The following TULP4 variants were observed in gnomAD, a reference collection of about 807,000 sequenced individuals.
The protein encoded by TULP4 is tubby-related protein 4.
TULP4 carries 16 observed loss-of-function variants against 129.0 expected under a neutral mutation model. That is an observed-to-expected ratio of 0.12 (90% CI 0.08 to 0.19). The LOEUF (loss-of-function observed/expected upper bound fraction) is 0.19, where lower values mean the gene tolerates loss of function less well. Ranked by LOEUF, TULP4 falls within the 10% of genes least tolerant of loss-of-function variation. The pLI is 1.00. For synonymous variants in TULP4, 998 were observed against 854.0 expected, an observed-to-expected ratio of 1.17 and a Z score of -2.94; for missense variants, 1,842 against 2,059.1, an observed-to-expected ratio of 0.89 and a Z score of 2.04.
At position 158,447,188 on chromosome 6, in the gene TULP4, C is replaced by G. The variant is rs542471266; in HGVS notation, c.544-1808C>G. Among the ~76,000 whole-genome samples the G allele has an allele frequency of 8.5e-5, 13 of 152,318 alleles. No homozygotes were observed. The South Asian group carries it at 2.5e-3, about 29-fold the overall frequency. On this transcript the variant is annotated intron_variant, in intron 3 of 13. Coordinates refer to ENST00000367097, the MANE Select transcript of TULP4 (RefSeq NM_020245.5). Reference sequence around the variant, plus strand: ...CTCACCAAGTACATTAAACATCTGCCTCTTCCAGGATTTCAGCAGGTCCGT... The same window carrying G: ...CTCACCAAGTACATTAAACATCTGCGTCTTCCAGGATTTCAGCAGGTCCGT...
chr6:158,370,457 CAAAAAAA>C (rs533005080), intron 1 of TULP4, among the ~76,000 whole-genome samples: 4 of 28,896 alleles, frequency 1.4e-4, no homozygotes, highest in African/African-American at 3.0e-4. Context: ...AACTCCATCT[CAAAAAAA>C]AAAAAAAAAA....
At chr6:158,315,867 G>A (rs1779480921) in intron 1 of TULP4, among the ~76,000 whole-genome samples, 1 of 152,228 alleles carries the variant, frequency 6.6e-6, no homozygotes, top group African/African-American at 2.4e-5. Flanking sequence ...CCATTTATGA[G>A]GGCAGAGCCC....
intron 3 of TULP4, among the ~76,000 whole-genome samples, chr6:158,444,234 A>T (rs1311098336): frequency 3.6e-5 from 5 of 140,280 alleles, no homozygotes; most frequent in African/African-American, 1.3e-4. Flanking sequence ...AAAAAAAAAA[A>T]AAAAAAAAAA....
At chr6:158,246,583 T>G (rs1000588744) in intron 1 of TULP4, among the ~76,000 whole-genome samples, 4 of 152,242 alleles carry the variant, frequency 2.6e-5, no homozygotes, top group African/African-American at 9.6e-5. Flanking sequence ...ATAAATGCTT[T>G]CTTTTCCTTT....
upstream of TULP4, among the ~76,000 whole-genome samples, chr6:158,281,358 C>T (rs992454539): frequency 2.4e-4 from 37 of 152,136 alleles, no homozygotes; most frequent in African/African-American, 7.0e-4. Flanking sequence ...GGATTACAGG[C>T]GCCTACCACC....
intron 1 of TULP4, among the ~76,000 whole-genome samples, chr6:158,240,362 C>T (rs1777857943): frequency 1.3e-5 from 1 of 79,996 alleles, no homozygotes; most frequent in African/African-American, 4.3e-5. Flanking sequence ...CCCCACCTCC[C>T]TCCCGGACCG....
At chr6:158,496,889 C>T (rs571619800) in intron 11 of TULP4, among the ~76,000 whole-genome samples, 4 of 152,218 alleles carry the variant, frequency 2.6e-5, no homozygotes, top group South Asian at 4.2e-4. Flanking sequence ...GCTCTGTCAC[C>T]CATGCTAGAG....
chr6:158,253,803 G>T lies in TULP4; in HGVS notation n.68+21500G>T, dbSNP rs202175669. ...TAATCCCAGCACTTTGGGAGGCCAA[G>T]GTGGGCGGATCACCTGAGATCAGGA... On this transcript the variant is annotated intron_variant and non_coding_transcript_variant, in intron 1 of 1. Coordinates refer to the TULP4 transcript ENST00000620026. Among the ~76,000 whole-genome samples, 29 of 152,314 alleles carry T rather than the reference G, an allele frequency of 1.9e-4. No individual in the cohort carries two copies. The East Asian group carries it at 5.6e-3, about 29-fold the overall frequency.
At chr6:158,319,980 C>A (rs1258518730) in intron 1 of TULP4, among the ~76,000 whole-genome samples, 2 of 152,138 alleles carry the variant, frequency 1.3e-5, no homozygotes, top group African/African-American at 2.4e-5. Context: ...TAAAAAAGAA[C>A]CACTACCACA....
intron 1 of TULP4, among the ~76,000 whole-genome samples, chr6:158,236,565 T>C (rs1263299161): frequency 6.6e-6 from 1 of 151,996 alleles, no homozygotes; most frequent in Non-Finnish European, 1.5e-5. Flanking sequence ...AAGCAGATAT[T>C]TTGGAATGCT....
intron 1 of TULP4, among the ~76,000 whole-genome samples, chr6:158,353,836 A>T (rs1780581416): frequency 6.6e-6 from 1 of 152,398 alleles, no homozygotes; most frequent in South Asian, 2.1e-4. Flanking sequence ...TCTAACAATA[A>T]AAATATTTTA....
Position 158,509,218 on chromosome 6 carries a change from T to C in TULP4, c.*2524T>C. 1 of 152,154 alleles carries C rather than the reference T, an allele frequency of 6.6e-6. No individual in the cohort carries two copies. The highest frequency in any genetic ancestry group is 1.9e-4 in the East Asian group (1 of 5,202). 9.4% of individuals were successfully genotyped at this position (152,154 alleles called of 1,614,324 possible). ...AGAAGGTTTTTTGCTGGATAATTTG[T>C]AACTTTTCTAATTGGGAAAAAATTC... On this transcript the variant is annotated 3_prime_UTR_variant, in exon 14 of 14. Coordinates refer to ENST00000367097, the MANE Select transcript of TULP4 (RefSeq NM_020245.5).
chr6:158,401,080 G>GTTT (rs1554287891), intron 1 of TULP4, among the ~76,000 whole-genome samples: 42 of 143,200 alleles, frequency 2.9e-4, no homozygotes, highest in Admixed American at 5.1e-4. Context: ...TGTTGTTGTT[G>GTTT]TTGTTTTGTT....
At chr6:158,459,050 A>G (rs1779358405) in intron 5 of TULP4, among the ~76,000 whole-genome samples, 1 of 152,230 alleles carries the variant, frequency 6.6e-6, no homozygotes, top group Non-Finnish European at 1.5e-5. Flanking sequence ...AAGAAATGGC[A>G]TTATTTACAT....
chr6:158,332,228 T>A (rs1395184768), intron 1 of TULP4, among the ~76,000 whole-genome samples: 7 of 129,092 alleles, frequency 5.4e-5, no homozygotes, highest in African/African-American at 1.5e-4. Flanking sequence ...TATATATATA[T>A]AAATTGAAAA....
chr6:158,246,026 GTGTGTGTGTGTGTGT>G (rs1562493306), intron 1 of TULP4, among the ~76,000 whole-genome samples: 4 of 74,194 alleles, frequency 5.4e-5, no homozygotes, highest in African/African-American at 2.0e-4. Flanking sequence ...CCTTAGGGGT[GTGTGTGTGTGTGTGT>G]GTGTGTGTGT....
Position 158,402,666 on chromosome 6 carries a change from A to G in TULP4, c.253-10399A>G, listed in dbSNP as rs1777880217. ...ACATTTTGTTGTAGATCAGTTTTTT[A>G]AAGACATGTTTATTTGGAAGATAAT... On this transcript the variant is annotated intron_variant, in intron 1 of 13. Coordinates refer to ENST00000367097, the MANE Select transcript of TULP4 (RefSeq NM_020245.5). Among the ~76,000 whole-genome samples the G allele has an allele frequency of 2.0e-5, 3 of 152,198 alleles. No homozygotes were observed. In the South Asian group the frequency reaches 6.2e-4, roughly 32 times the overall value.
chr6:158,496,038 A>G (rs1780329879), intron 11 of TULP4, among the ~76,000 whole-genome samples: 1 of 152,184 alleles, frequency 6.6e-6, no homozygotes, highest in South Asian at 2.1e-4. Flanking sequence ...ATGAGTTGCA[A>G]TACCTTGTTA....
At chr6:158,440,514 G>A (rs1265833604) in intron 3 of TULP4, among the ~76,000 whole-genome samples, 1 of 152,122 alleles carries the variant, frequency 6.6e-6, no homozygotes, top group Non-Finnish European at 1.5e-5. Flanking sequence ...CCAACGCAAA[G>A]AGTGATCCTT....
Sources: gnomAD v4.1 joint callset for allele counts (sites outside exome capture counted in the v4.1 genomes callset) on GRCh38, gnomAD v4.1.1 for gene constraint, MANE v1.5 for transcripts, NCBI Gene and HGNC (gene_info 2026-07-23, HGNC 2026-07-21) for gene names.